Variants in SYPL2 observed in about 807,000 individuals in gnomAD.
SYPL2 encodes the protein synaptophysin like 2.
Under a neutral mutation model 31.3 loss-of-function variants are expected in SYPL2, and 24 were observed. The observed-to-expected ratio is 0.77, with a 90% CI of 0.56 to 1.08. SYPL2 has a LOEUF of 1.08. Among genes scored for constraint, SYPL2 ranks in the 50% least tolerant of loss-of-function variants. The pLI is 0.00. For synonymous variants in SYPL2, 144 were observed against 143.1 expected (o/e 1.01, Z -0.05); for missense variants, 342 against 360.1 (o/e 0.95, Z 0.41).
rs1656124872 is a variant in SYPL2, at chr1:109,480,252, C to T, written c.*704C>T. The T allele has an allele frequency of 6.6e-6, 1 of 152,198 alleles. No homozygotes were observed. Among genetic ancestry groups the T allele is most frequent in the African/African-American group, 2.4e-5 (1 of 41,424 alleles). The allele number at this position is 152,198 out of a possible 1,614,324, so 9.4% of individuals were successfully genotyped here. ...AGTTGCAGCTTCAAGAAAGTAAAGC[C>T]AGTAAGCTTGCTGGCAGAATCAATT... is the stretch of plus-strand genomic sequence containing the variant. On this transcript the variant is annotated 3_prime_UTR_variant, in exon 6 of 6. Transcript: ENST00000369872.
intron 2 of SYPL2, among the ~76,000 whole-genome samples, chr1:109,469,278 T>C (rs1334643662): frequency 6.6e-6 from 1 of 152,172 alleles, no homozygotes; most frequent in Admixed American, 6.5e-5. Context: ...AGAACTTTTG[T>C]TGTCATTATT....
rs367933384 is a variant in SYPL2, at chr1:109,476,944, C to T, written c.423C>T (p.Asn141=). The change falls in exon 4 of 6, where the codon AAC becomes AAT. Residue 141 remains asparagine, a synonymous_variant. Coordinates refer to ENST00000369872, the MANE Select transcript of SYPL2 (RefSeq NM_001040709.2). Reference sequence around the variant, plus strand: ...TAGTTATCTACCTGCGCTTCCACAACCTCTACACAGAGAACAAACGCTTCC... The same window carrying T: ...TAGTTATCTACCTGCGCTTCCACAATCTCTACACAGAGAACAAACGCTTCC... The part of the protein sequence containing the change: ...AALVIYLRFH[N]LYTENKRFPL... 7 of 1,614,062 alleles carry T rather than the reference C, an allele frequency of 4.3e-6. No homozygotes were observed. The highest frequency in any genetic ancestry group is 2.2e-5 in the East Asian group (1 of 44,898).
chr1:109,477,844 C>A lies in SYPL2; in HGVS notation c.483C>A (p.Thr161=), dbSNP rs765568820. 1 of 1,612,062 alleles carries A rather than the reference C, an allele frequency of 6.2e-7. No individual in the cohort carries two copies. The highest frequency in any genetic ancestry group is 1.3e-5 in the African/African-American group (1 of 74,942). The change falls in exon 5 of 6, where the codon ACC becomes ACA. Residue 161 remains threonine, a synonymous_variant. Coordinates refer to ENST00000369872, the MANE Select transcript of SYPL2 (RefSeq NM_001040709.2). The stretch of plus-strand genomic sequence containing the variant: ...ACTTCTGTGTGACTGTCTCCTTCAC[C>A]TTCTTCTGGCTGGTAGCTGCAGCTG... ...LVDFCVTVSF[T]FFWLVAAAAW...
rs771207906 is a variant in SYPL2 at position 109,475,660 on chromosome 1, C to T, written c.209C>T (p.Ala70Val). Residue 70 changes from alanine (A) to valine (V), a missense_variant, in exon 3 of 6, where the codon GCC (alanine) becomes GTC (valine). Coordinates refer to ENST00000369872, the MANE Select transcript of SYPL2 (RefSeq NM_001040709.2). ...GCAATGGTTCGCTGCAACAACGAAG[C>T]CAAGGACGTGAGCTCCATCATCGTT... ...TGAMVRCNNE[A>V]KDVSSIIVAF... 3 of 1,614,138 alleles carry T rather than the reference C, an allele frequency of 1.9e-6. No individual in the cohort carries two copies. In the South Asian group the frequency reaches 3.3e-5, roughly 18 times the overall value.
At chr1:109,471,846 A>G (rs1040522247) in intron 2 of SYPL2, among the ~76,000 whole-genome samples, 2 of 151,536 alleles carry the variant, frequency 1.3e-5, no homozygotes, top group Non-Finnish European at 2.9e-5. Context: ...AGCTGGGACT[A>G]CAGGCATGTA....
At position 109,477,807 on chromosome 1, in the gene SYPL2, G is replaced by A; in HGVS notation, c.457-11G>A. ...TTCTGAGTGTATTTCCCATCCCTCTGCTCCTCCCAGGACTTCTGTGTGACT... is the reference window on the plus strand; with the variant it reads ...TTCTGAGTGTATTTCCCATCCCTCTACTCCTCCCAGGACTTCTGTGTGACT... On this transcript the variant is annotated splice_polypyrimidine_tract_variant and intron_variant, in intron 4 of 5. Coordinates refer to ENST00000369872, the MANE Select transcript of SYPL2 (RefSeq NM_001040709.2). 1 of 1,590,514 alleles carries A rather than the reference G, an allele frequency of 6.3e-7. No homozygotes were observed.
At position 109,466,612 on chromosome 1, in the gene SYPL2, CCGG is replaced by C. The variant is rs1655641687; in HGVS notation, c.-228_-226del. The C allele has an allele frequency of 4.9e-6, 2 of 409,794 alleles. No homozygotes were observed. Among genetic ancestry groups the C allele is most frequent in the Non-Finnish European group, 4.3e-6 (1 of 235,038 alleles). 25.4% of individuals were successfully genotyped at this position (409,794 alleles called of 1,614,324 possible). A position where few individuals can be genotyped will look rare whatever the true frequency, so the allele number is the denominator to read the frequency against. On this transcript the variant is annotated 5_prime_UTR_variant, in exon 1 of 6. Coordinates refer to ENST00000369872, the MANE Select transcript of SYPL2 (RefSeq NM_001040709.2). ...AATCCGAGTCGGGGGCTTTCTGCTG[CCGG>C]CGGGGCACCGCGGCGGCCGCAGCCT...
In SYPL2 at chr1:109,466,879, C is replaced by CA; in HGVS notation, c.38dup (p.Ser14ValfsTer79). ...CCGAGAGCGCCGGCCGCACGGCGGA[C>CA]AAGTCGCCGCGCCAGCAGGTAGTCC... is the stretch of plus-strand genomic sequence containing the variant. On this transcript the variant is annotated frameshift_variant, in exon 1 of 6. Coordinates refer to ENST00000369872, the MANE Select transcript of SYPL2 (RefSeq NM_001040709.2). LOFTEE classifies it high-confidence loss of function. 1 of 1,529,744 alleles carries CA rather than the reference C, an allele frequency of 6.5e-7. No homozygotes were observed. Among genetic ancestry groups the CA allele is most frequent in the Non-Finnish European group, 8.7e-7 (1 of 1,144,100 alleles). 94.8% of individuals were successfully genotyped at this position (1,529,744 alleles called of 1,614,324 possible).
At chr1:109,468,327 A>G (rs1525916) in intron 2 of SYPL2, among the ~76,000 whole-genome samples, 102,757 of 152,072 alleles carry the variant, frequency 0.68, 35,477 homozygotes, top group East Asian at 0.96. Flanking sequence ...AAGAATTAGC[A>G]CTGTGACACC....
chr1:109,466,811 CA>C lies in SYPL2; in HGVS notation c.-32del, dbSNP rs1438739977. On this transcript the variant is annotated 5_prime_UTR_variant, in exon 1 of 6. Transcript: ENST00000369872. ...CCGCCTCCCGGCCAGAGAGCCAAGC[CA>C]CCACGCCGCGCCCAGCGCTCGCCGC... 14 of 1,509,442 alleles carry C rather than the reference CA, an allele frequency of 9.3e-6. No homozygotes were observed. The highest frequency in any genetic ancestry group is 1.1e-5 in the Non-Finnish European group (13 of 1,136,734). 93.5% of individuals were successfully genotyped at this position (1,509,442 alleles called of 1,614,324 possible).
chr1:109,472,922 T>G (rs1406063746), intron 2 of SYPL2, among the ~76,000 whole-genome samples: 1 of 152,124 alleles, frequency 6.6e-6, no homozygotes, highest in Non-Finnish European at 1.5e-5. Flanking sequence ...GCCCGGCCCC[T>G]GCTTTCTTAA....
intron 4 of SYPL2, among the ~76,000 whole-genome samples, chr1:109,477,346 A>G (rs1571065538): frequency 6.6e-6 from 1 of 152,218 alleles, no homozygotes; most frequent in African/African-American, 2.4e-5. Context: ...TATCTAGTAC[A>G]TAGTTAGTCT....
In SYPL2 at chr1:109,480,267, C is replaced by A. The variant is rs1656125552; in HGVS notation, c.*719C>A. 1 of 152,236 alleles carries A rather than the reference C, an allele frequency of 6.6e-6. No individual in the cohort carries two copies. The highest frequency in any genetic ancestry group is 2.1e-4 in the South Asian group (1 of 4,826). 9.4% of individuals were successfully genotyped at this position (152,236 alleles called of 1,614,324 possible). ...AAAGTAAAGCCAGTAAGCTTGCTGG[C>A]AGAATCAATTTCTTCTATCCCCTCA... On this transcript the variant is annotated 3_prime_UTR_variant, in exon 6 of 6. Transcript: ENST00000369872.
intron 2 of SYPL2, among the ~76,000 whole-genome samples, chr1:109,468,916 A>G (rs959148204): frequency 1.3e-4 from 10 of 79,994 alleles, no homozygotes; most frequent in Non-Finnish European, 1.7e-4. Context: ...ATGATCTTCA[A>G]GTACTTAGAA....
intron 2 of SYPL2, among the ~76,000 whole-genome samples, chr1:109,469,777 C>A (rs1388576461): frequency 7.3e-6 from 1 of 136,802 alleles, no homozygotes; most frequent in Non-Finnish European, 1.5e-5. Flanking sequence ...GAGGTCGAGG[C>A]TGCAATGAGC....
intron 2 of SYPL2, among the ~76,000 whole-genome samples, chr1:109,474,816 G>A (rs1366993668): frequency 6.6e-6 from 1 of 152,232 alleles, no homozygotes; most frequent in Non-Finnish European, 1.5e-5. Context: ...AGAAATGGCA[G>A]CATCAACAGA....
At chr1:109,469,502 A>G (rs529168809) in intron 2 of SYPL2, among the ~76,000 whole-genome samples, 28 of 151,274 alleles carry the variant, frequency 1.9e-4, no homozygotes, top group Admixed American at 1.6e-3. Flanking sequence ...TTTTTTTTTA[A>G]AAAAGAAAAG....
intron 3 of SYPL2, 56 bp downstream of exon 3, chr1:109,475,761 C>T: frequency 6.3e-7 from 1 of 1,578,364 alleles, no homozygotes. Flanking sequence ...CTGGCAGGAC[C>T]TGCTTGGTCT....
intron 2 of SYPL2, among the ~76,000 whole-genome samples, chr1:109,468,431 A>C (rs1265957479): frequency 6.6e-6 from 1 of 152,188 alleles, no homozygotes; most frequent in East Asian, 1.9e-4. Flanking sequence ...GGGAGCTCCC[A>C]AGTGCAAACT....
Sources: allele counts gnomAD v4.1 joint callset (sites outside exome capture counted in the v4.1 genomes callset), GRCh38; gene constraint gnomAD v4.1.1; transcripts MANE v1.5; gene names NCBI Gene and HGNC (gene_info 2026-07-23, HGNC 2026-07-21).